The following RAI1 variants were observed in gnomAD, a reference collection of about 807,000 sequenced individuals.
RAI1 encodes the protein retinoic acid-induced protein 1.
RAI1 carries 9 observed loss-of-function variants against 123.8 expected under a neutral mutation model. That is an observed-to-expected ratio of 0.07 (90% CI 0.04 to 0.13). The LOEUF is 0.13. Ranked by LOEUF, RAI1 falls within the 10% of genes least tolerant of loss-of-function variation. The probability of loss-of-function intolerance (pLI) is 1.00; values close to 1 mark genes in which losing one functional copy is unlikely to be tolerated. For synonymous variants in RAI1, 1,231 were observed against 1,127.3 expected (o/e 1.09, Z -1.84); for missense variants, 2,256 against 2,545.8 (o/e 0.89, Z 2.45).
At chr17:17,775,280 T>C (rs1215333801) in intron 2 of RAI1, among the ~76,000 whole-genome samples, 16 of 150,006 alleles carry the variant, frequency 1.1e-4, no homozygotes, top group Admixed American at 1.0e-3. Flanking sequence ...CTCTGCTCAC[T>C]GCAGCCTGGA....
chr17:17,764,014 C>T (rs2030815585), intron 2 of RAI1, among the ~76,000 whole-genome samples: 1 of 152,234 alleles, frequency 6.6e-6, no homozygotes, highest in Admixed American at 6.5e-5. Context: ...GTGGCACTTC[C>T]ACTTGAATTT....
chr17:17,766,768 G>A (rs1452189386), intron 2 of RAI1, among the ~76,000 whole-genome samples: 3 of 152,244 alleles, frequency 2.0e-5, no homozygotes, highest in Non-Finnish European at 2.9e-5. Flanking sequence ...CACAGGAATC[G>A]GTGCTCCAGG....
Position 17,715,727 on chromosome 17 carries a change from C to G in RAI1, c.-148-8301C>G, listed in dbSNP as rs534686900. Among the ~76,000 whole-genome samples, 5 of 152,302 alleles carry G rather than the reference C, an allele frequency of 3.3e-5. No homozygotes were observed. The East Asian group carries it at 9.7e-4, about 29-fold the overall frequency. ...GATCTCCACAGATTCAGATGCCCCC[C>G]GGAAAGGGCTTTCCATTCAAAGTTT... is the stretch of plus-strand genomic sequence containing the variant. On this transcript the variant is annotated intron_variant, in intron 1 of 5. Transcript: ENST00000353383.
At chr17:17,787,962 C>T (rs2031884030) in intron 2 of RAI1, among the ~76,000 whole-genome samples, 1 of 152,162 alleles carries the variant, frequency 6.6e-6, no homozygotes, top group Non-Finnish European at 1.5e-5. Context: ...GATACCTCTG[C>T]ACTCTGAAGG....
chr17:17,758,890 G>A (rs1281222470), intron 2 of RAI1, among the ~76,000 whole-genome samples: 1 of 152,158 alleles, frequency 6.6e-6, no homozygotes, highest in Admixed American at 6.5e-5. Flanking sequence ...GCTGACAGGT[G>A]GATTACAGGC....
intron 2 of RAI1, among the ~76,000 whole-genome samples, chr17:17,773,380 G>A (rs1352182575): frequency 6.6e-6 from 1 of 152,152 alleles, no homozygotes; most frequent in Non-Finnish European, 1.5e-5. Flanking sequence ...CGTCCCTGCA[G>A]CCCAAGGGCT....
chr17:17,773,898 C>T (rs915678245), intron 2 of RAI1, among the ~76,000 whole-genome samples: 6 of 152,006 alleles, frequency 3.9e-5, no homozygotes, highest in East Asian at 1.9e-4. Context: ...TTAATAATCA[C>T]GTAATTATAA....
chr17:17,734,090 G>A (rs1916350329), intron 2 of RAI1, among the ~76,000 whole-genome samples: 1 of 152,190 alleles, frequency 6.6e-6, no homozygotes, highest in Non-Finnish European at 1.5e-5. Flanking sequence ...CAGGGGGAGA[G>A]ATTGAGGAGG....
chr17:17,798,406 C>A lies in RAI1; in HGVS notation c.5458C>A (p.Gln1820Lys). 3 of 1,610,708 alleles carry A rather than the reference C, an allele frequency of 1.9e-6. No homozygotes were observed. The highest frequency in any genetic ancestry group is 2.5e-6 in the Non-Finnish European group (3 of 1,179,250). ...TCCGGCAGAGCCCGGCGGGGAGGCC[C>A]AGGAGCACTGGGTGCATGAGGCCTG... is the stretch of plus-strand genomic sequence containing the variant. ...EAPAEPGGEA[Q>K]EHWVHEACAV... Residue 1820 changes from glutamine to lysine, a missense_variant, in exon 3 of 6, where the codon CAG becomes AAG. Around this residue, in one of 7 missense-constraint regions of RAI1, gnomAD observed 243 missense variants for 316.6 expected, o/e 0.77. Transcript: ENST00000353383.
rs532117333 is a variant in RAI1 at position 17,732,317 on chromosome 17, TG to T, written c.-17+8161del. Among the ~76,000 whole-genome samples, 777 of 152,250 alleles carry T rather than the reference TG, an allele frequency of 5.1e-3. 6 individuals carry two copies. The highest frequency in any genetic ancestry group is 0.018 in the African/African-American group (748 of 41,538). ...GAGAGGCTGTCTGATGGCAGAGTCC[TG>T]GGCAGGCCACAGGCCTGAAGCAGGA... is the stretch of plus-strand genomic sequence containing the variant. On this transcript the variant is annotated intron_variant, in intron 2 of 5. Transcript: ENST00000353383.
Position 17,799,792 on chromosome 17 carries a change from C to T in RAI1, c.5565+1279C>T, listed in dbSNP as rs988304169. 3.3e-5 allele frequency among the ~76,000 whole-genome samples: 5 copies of T among 152,218 alleles called. No homozygotes were observed. Among genetic ancestry groups the T allele is most frequent in the East Asian group, 1.9e-4 (1 of 5,192 alleles). ...CCTCCCCCTGCCCAGCCTCCTCCCC[C>T]GTCGCTGCACTGCCCACCTGCTCCT... On this transcript the variant is annotated intron_variant, in intron 3 of 5. Transcript: ENST00000353383. The surrounding 1 kb of genome is among the most constrained non-coding windows in gnomAD (Gnocchi z 4.5).
At chr17:17,712,633 G>C (rs1191954179) in intron 1 of RAI1, among the ~76,000 whole-genome samples, 3 of 152,210 alleles carry the variant, frequency 2.0e-5, no homozygotes, top group Non-Finnish European at 4.4e-5. Flanking sequence ...GGCTGAGTGG[G>C]GCAAGGATGG....
At chr17:17,726,189 C>T (rs1598037878) in intron 2 of RAI1, among the ~76,000 whole-genome samples, 1 of 152,094 alleles carries the variant, frequency 6.6e-6, no homozygotes, top group Admixed American at 6.5e-5. Context: ...CCAGGGCCAT[C>T]GGAAACTGGA....
At chr17:17,774,409 G>A (rs2031265431) in intron 2 of RAI1, among the ~76,000 whole-genome samples, 1 of 152,246 alleles carries the variant, frequency 6.6e-6, no homozygotes, top group Admixed American at 6.5e-5. Context: ...CGGAACACAG[G>A]GGCCTTTCTG....
Position 17,796,773 on chromosome 17 carries a change from T to C in RAI1, c.3825T>C (p.Ser1275=), listed in dbSNP as rs1598092289. 1.9e-6 allele frequency: 3 copies of C among 1,612,764 alleles called. No homozygotes were observed. Among genetic ancestry groups the C allele is most frequent in the Non-Finnish European group, 2.5e-6 (3 of 1,179,636 alleles). ...GSPTLFKRMS[S]PKKAKPTKGN... is the part of the protein sequence containing the mutation. ...CCACCCTCTTCAAGAGGATGTCTTC[T>C]CCCAAGAAAGCCAAGCCCACCAAGG... The change falls in exon 3 of 6, where the codon TCT becomes TCC. Residue 1275 remains serine (S), a synonymous_variant. Coordinates refer to ENST00000353383, the MANE Select transcript of RAI1 (RefSeq NM_030665.4). This position sits in a 1 kb window ranked among gnomAD's most constrained non-coding sequence, Gnocchi z 5.8.
intron 2 of RAI1, among the ~76,000 whole-genome samples, chr17:17,752,708 C>T (rs1039801746): frequency 6.3e-4 from 96 of 152,324 alleles, no homozygotes; most frequent in African/African-American, 2.2e-3. Flanking sequence ...GCTGGCCCCT[C>T]CCTCTCCTCA....
chr17:17,794,474 A>G lies in RAI1; in HGVS notation c.1526A>G (p.His509Arg), dbSNP rs1469027703. The change falls in exon 3 of 6, where the codon CAT becomes CGT. Residue 509 changes from histidine to arginine, a missense_variant. Transcript: ENST00000353383. ...EPPSSTPQST[H>R]AEPQEADYLS... is the part of the protein sequence containing the mutation. ...CCGAGCAGCACGCCACAGTCCACGC[A>G]TGCGGAGCCGCAGGAGGCCGACTAC... is the stretch of plus-strand genomic sequence containing the variant. 6.2e-7 allele frequency: 1 copy of G among 1,612,198 alleles called. No individual in the cohort carries two copies. Among genetic ancestry groups the G allele is most frequent in the Non-Finnish European group, 8.5e-7 (1 of 1,179,588 alleles).
rs756706495 is a variant in RAI1, at chr17:17,797,381, G to A, written c.4433G>A (p.Arg1478Gln). 8.1e-6 allele frequency: 13 copies of A among 1,612,710 alleles called. No homozygotes were observed. The highest frequency in any genetic ancestry group is 2.2e-5 in the East Asian group (1 of 44,866). The change falls in exon 3 of 6, where the codon CGA becomes CAA. Residue 1478 changes from arginine (R) to glutamine (Q), a missense_variant. By Grantham distance (43) the Arg-to-Gln change is conservative. This residue lies in a region of RAI1 where 410 missense variants were observed against 374.6 expected (regional missense o/e 1.09). Transcript: ENST00000353383. Reference sequence around the variant, plus strand: ...GGCCCGGCTCTGCTCCTGACTCCCCGAGACAGGGCCAGTGGCACACAAGGG... The same window carrying A: ...GGCCCGGCTCTGCTCCTGACTCCCCAAGACAGGGCCAGTGGCACACAAGGG... ...YLGPALLLTP[R>Q]DRASGTQGAS...
chr17:17,691,390 G>C (rs187912463), intron 1 of RAI1, among the ~76,000 whole-genome samples: 98 of 152,354 alleles, frequency 6.4e-4, no homozygotes, highest in Non-Finnish European at 9.0e-4. Context: ...GCCCCTGCCC[G>C]TTTGAAGCAT....
Sources: allele counts gnomAD v4.1 joint callset (sites outside exome capture counted in the v4.1 genomes callset), GRCh38; gene constraint gnomAD v4.1.1; regional missense constraint gnomAD v4.1.1; non-coding constraint Gnocchi (gnomAD v3.1); transcripts MANE v1.5; gene names NCBI Gene and HGNC (gene_info 2026-07-23, HGNC 2026-07-21).